Variants in TBX1 observed in about 807,000 individuals in gnomAD.
TBX1 encodes the protein T-box transcription factor TBX1.
A neutral mutation model predicts 40.8 loss-of-function variants in TBX1; 16 were observed. The observed-to-expected ratio is 0.39, with a 90% CI of 0.27 to 0.60. The LOEUF is 0.60. TBX1 is among the 20% of genes least tolerant of loss of function. The pLI is 0.51. For synonymous variants in TBX1, 403 were observed against 336.8 expected, an observed-to-expected ratio of 1.20 and a Z score of -2.15; for missense variants, 755 against 728.5, an observed-to-expected ratio of 1.04 and a Z score of -0.42.
downstream of TBX1, among the ~76,000 whole-genome samples, chr22:19,771,254 G>A (rs2145844963): frequency 6.6e-6 from 1 of 152,350 alleles, no homozygotes; most frequent in Non-Finnish European, 1.5e-5. Flanking sequence ...CCAAGCCTAG[G>A]GAGGGCAGGA....
intron 4 of TBX1, among the ~76,000 whole-genome samples, chr22:19,765,467 G>T (rs973628545): frequency 6.6e-6 from 1 of 152,148 alleles, no homozygotes; most frequent in African/African-American, 2.4e-5. Flanking sequence ...CTGCACGTGG[G>T]GGGTGGTGAC....
chr22:19,768,206 A>G (rs995090033), downstream of TBX1, among the ~76,000 whole-genome samples: 3 of 152,188 alleles, frequency 2.0e-5, no homozygotes, highest in African/African-American at 7.2e-5. Context: ...TGCCTGTCCC[A>G]GTGTGTTTGT....
Position 19,767,213 on chromosome 22 carries a change from C to CA in TBX1, c.*347dup, listed in dbSNP as rs1343370989. The CA allele has an allele frequency of 2.0e-5, 22 of 1,098,836 alleles. No individual in the cohort carries two copies. Among genetic ancestry groups the CA allele is most frequent in the Non-Finnish European group, 2.3e-5 (21 of 903,890 alleles). The allele number at this position is 1,098,836 out of a possible 1,614,324, so 68.1% of individuals were successfully genotyped here. ...ACCGCGTCGCCCGCGGCCCGGCCGG[C>CA]AGTTGCAGTGTAGACAGCCCGAGAG... On this transcript the variant is annotated 3_prime_UTR_variant, in exon 7 of 7. Transcript: ENST00000649276.
At chr22:19,763,122 G>C in intron 1 of TBX1, 119 bp from the exon 2 acceptor site, 3 of 789,904 alleles carry the variant, frequency 3.8e-6, no homozygotes, top group South Asian at 1.4e-5. Context: ...GGGCTGGGAC[G>C]ACACAGCAGC....
At chr22:19,767,360 G>T, downstream of TBX1, 6 of 987,254 alleles carry the variant, frequency 6.1e-6, no homozygotes, top group Non-Finnish European at 7.2e-6. Context: ...ATTTATTTGT[G>T]CCCAGTTAGA....
chr22:19,761,273 GCC>G lies in TBX1; in HGVS notation c.431_432del (p.Ala144GlyfsTer33). 1 of 1,557,918 alleles carries G rather than the reference GCC, an allele frequency of 6.4e-7. No individual in the cohort carries two copies. ...QLGTEMIVTK[A>X]GRRMFPTFQV... ...GGGCACCGAGATGATCGTCACCAAG[GCC>G]GGCAGGTCAGGGCGCCCCTCCCCAC... On this transcript the variant is annotated frameshift_variant, in exon 1 of 7. Transcript: ENST00000649276. LOFTEE classifies it high-confidence loss of function.
downstream of TBX1, chr22:19,783,111 C>A (rs372123770): frequency 2.6e-5 from 20 of 764,668 alleles, no homozygotes; most frequent in Non-Finnish European, 9.7e-6. Context: ...GTGATGGAAG[C>A]GAATCCTCCA....
chr22:19,780,144 A>G (rs751544168), downstream of TBX1, among the ~76,000 whole-genome samples: 2 of 152,250 alleles, frequency 1.3e-5, no homozygotes, highest in African/African-American at 4.8e-5. Context: ...CAAATTTACC[A>G]TCGTAGCCCT....
Position 19,763,626 on chromosome 22 carries a change from G to A in TBX1, c.539+284G>A, listed in dbSNP as rs544285817. ...GGTGGTCAGCCAAGTACTCAGCCCC[G>A]GACTTCTTCAAGTCTCCCTCTCCCA... On this transcript the variant is annotated intron_variant, in intron 2 of 6. Transcript: ENST00000649276. 41 of 493,394 alleles carry A rather than the reference G, an allele frequency of 8.3e-5. 1 individual carries two copies. Among genetic ancestry groups the A allele is most frequent in the South Asian group, 7.8e-4 (34 of 43,628 alleles). 30.6% of individuals were successfully genotyped at this position (493,394 alleles called of 1,614,324 possible). A position where few individuals can be genotyped will look rare whatever the true frequency, so the allele number is the denominator to read the frequency against.
chr22:19,765,628 G>A (rs1011029672), intron 4 of TBX1, 130 bp from the exon 5 acceptor site: 3 of 1,000,296 alleles, frequency 3.0e-6, no homozygotes, highest in Non-Finnish European at 4.5e-6. Flanking sequence ...GGGCAGACGT[G>A]GACTGGTTCT....
At chr22:19,770,600 G>T (rs1569027446), downstream of TBX1, among the ~76,000 whole-genome samples, 1 of 152,242 alleles carries the variant, frequency 6.6e-6, no homozygotes, top group Non-Finnish European at 1.5e-5. Context: ...CCCTGGCCCG[G>T]TGGAGATGAG....
At chr22:19,776,351 A>C (rs1937065039) in intron 8 of TBX1, among the ~76,000 whole-genome samples, 1 of 152,170 alleles carries the variant, frequency 6.6e-6, no homozygotes, top group African/African-American at 2.4e-5. Flanking sequence ...GTCCTCCCTC[A>C]CTGGGGGTGG....
downstream of TBX1, among the ~76,000 whole-genome samples, chr22:19,768,360 G>A (rs1936925887): frequency 6.6e-6 from 1 of 152,196 alleles, no homozygotes; most frequent in Admixed American, 6.5e-5. Context: ...TTGCTCTGGC[G>A]GCGTGAAGTG....
intron 1 of TBX1, among the ~76,000 whole-genome samples, chr22:19,762,941 G>T (rs1463556677): frequency 1.3e-5 from 2 of 152,218 alleles, no homozygotes; most frequent in Non-Finnish European, 2.9e-5. Context: ...GTCAGCAAGG[G>T]CGAGGCCGAG....
chr22:19,768,953 CTTTT>C (rs36085623), downstream of TBX1, among the ~76,000 whole-genome samples: 32 of 66,124 alleles, frequency 4.8e-4, 1 homozygote, highest in South Asian at 5.2e-3. Context: ...TGTTCGCATT[CTTTT>C]TTTTTTTTTT....
chr22:19,756,925 C>A (rs1319113165), upstream of TBX1, among the ~76,000 whole-genome samples: 4 of 104,532 alleles, frequency 3.8e-5, no homozygotes, highest in Admixed American at 3.1e-4. Context: ...GGTGGCGGGG[C>A]GGCGGAGCGC....
downstream of TBX1, among the ~76,000 whole-genome samples, chr22:19,768,866 G>A (rs527793576): frequency 6.6e-6 from 1 of 152,002 alleles, no homozygotes; most frequent in African/African-American, 2.4e-5. Flanking sequence ...GCCTGTTACC[G>A]TGCCCCTCCT....
chr22:19,783,570 A>C (rs1937163082), downstream of TBX1: 1 of 166,814 alleles, frequency 6.0e-6, no homozygotes, highest in Non-Finnish European at 1.3e-5. Flanking sequence ...CTTAAAAGAA[A>C]AAACAAACAA....
chr22:19,759,065 C>G (rs568704776), upstream of TBX1, among the ~76,000 whole-genome samples: 1 of 152,076 alleles, frequency 6.6e-6, no homozygotes, highest in African/African-American at 2.4e-5. Flanking sequence ...GGCAGCCACT[C>G]GCTGCTTCAT....
Sources: gnomAD v4.1 joint callset for allele counts (sites outside exome capture counted in the v4.1 genomes callset) on GRCh38, gnomAD v4.1.1 for gene constraint, MANE v1.5 for transcripts, NCBI Gene and HGNC (gene_info 2026-07-23, HGNC 2026-07-21) for gene names.